Variants in POLR3G observed in about 807,000 individuals in gnomAD.
POLR3G encodes the protein RNA polymerase III subunit G.
POLR3G carries 28 observed loss-of-function variants against 30.1 expected under a neutral mutation model. The ratio of observed to expected loss-of-function variants is 0.93; its 90% CI spans 0.69 to 1.27. The LOEUF (loss-of-function observed/expected upper bound fraction) is 1.27, where lower values mean the gene tolerates loss of function less well. Among genes scored for constraint, POLR3G ranks in the 50% most tolerant of loss-of-function variants. The pLI is 0.00. For missense variants in POLR3G, 254 were observed against 264.6 expected, an observed-to-expected ratio of 0.96 and a Z score of 0.28; for synonymous variants, 79 against 82.5, an observed-to-expected ratio of 0.96 and a Z score of 0.23.
chr5:90,475,438 T>G (rs562152456), intron 1 of POLR3G, among the ~76,000 whole-genome samples: 2 of 151,770 alleles, frequency 1.3e-5, no homozygotes, highest in East Asian at 3.9e-4. Context: ...GGTTTGTCTT[T>G]TCTTATAAAA....
At position 90,485,592 on chromosome 5, in the gene POLR3G, C is replaced by T. The variant is rs373941949; in HGVS notation, c.25C>T (p.Arg9Cys). 3.2e-5 allele frequency: 51 copies of T among 1,613,272 alleles called. No individual in the cohort carries two copies. The African/African-American group carries it at 5.2e-4, about 16-fold the overall frequency. Residue 9 changes from arginine to cysteine, a missense_variant, in exon 2 of 8, where the codon CGT becomes TGT. By Grantham distance (180) the Arg-to-Cys change is radical. Transcript: ENST00000651687. ...GATGGCTGGGAATAAAGGAAGAGGA[C>T]GTGCTGCTTATACCTTTAATATTGA... MAGNKGRG[R>C]AAYTFNIEAV...
rs543010314 is a variant in POLR3G, at chr5:90,477,206, A to G, written c.-44+2186A>G. On this transcript the variant is annotated intron_variant, in intron 1 of 7. Coordinates refer to ENST00000651687, the MANE Select transcript of POLR3G (RefSeq NM_006467.3). ...TTGTCATGGAGAAAGTGTCATTTGCATGGCATCTGAAAAGAACCTGGGGCT... is the reference window on the plus strand; with the variant it reads ...TTGTCATGGAGAAAGTGTCATTTGCGTGGCATCTGAAAAGAACCTGGGGCT... 2.5e-4 allele frequency among the ~76,000 whole-genome samples: 38 copies of G among 152,322 alleles called. No individual in the cohort carries two copies. In the South Asian group the frequency reaches 7.7e-3, roughly 31 times the overall value.
chr5:90,481,957 C>T (rs914443377), intron 1 of POLR3G, among the ~76,000 whole-genome samples: 9 of 151,894 alleles, frequency 5.9e-5, no homozygotes, highest in Non-Finnish European at 1.0e-4. Context: ...TAGTCATATA[C>T]GGATAATTTT....
chr5:90,497,941 A>G (rs758274607), intron 5 of POLR3G, among the ~76,000 whole-genome samples: 1 of 152,158 alleles, frequency 6.6e-6, no homozygotes, highest in Non-Finnish European at 1.5e-5. Context: ...ACTTGTCTCT[A>G]CAAAAAGTTA....
chr5:90,490,492 G>C, intron 3 of POLR3G: 1 of 261,574 alleles, frequency 3.8e-6, no homozygotes, highest in African/African-American at 2.3e-5. Context: ...CCAAACTCCT[G>C]GGCTCAAGTG....
chr5:90,496,201 C>A (rs544884254), intron 4 of POLR3G, among the ~76,000 whole-genome samples: 1 of 151,988 alleles, frequency 6.6e-6, no homozygotes, highest in African/African-American at 2.4e-5. Flanking sequence ...TTGATCTGAC[C>A]TCATGATCCG....
At chr5:90,477,637 C>T (rs1314507615) in intron 1 of POLR3G, among the ~76,000 whole-genome samples, 2 of 152,192 alleles carry the variant, frequency 1.3e-5, no homozygotes, top group African/African-American at 4.8e-5. Context: ...TCACTGCCTC[C>T]TCTAGCTTCT....
At chr5:90,501,862 G>C (rs369433520) in intron 5 of POLR3G, 44 bp from the exon 6 acceptor site, 11 of 1,602,620 alleles carry the variant, frequency 6.9e-6, no homozygotes, top group Non-Finnish European at 8.5e-6. Context: ...ATAATACAGA[G>C]TTGCAGTTGC....
upstream of POLR3G, chr5:90,474,544 G>A: frequency 1.9e-6 from 1 of 519,236 alleles, no homozygotes; most frequent in Non-Finnish European, 3.4e-6. Flanking sequence ...CCACCAGCAC[G>A]GGGGCGCAGG....
At chr5:90,495,521 A>G (rs1015848356) in intron 3 of POLR3G, among the ~76,000 whole-genome samples, 156 bp from the exon 4 acceptor site, 3 of 152,214 alleles carry the variant, frequency 2.0e-5, no homozygotes, top group Admixed American at 6.5e-5. Flanking sequence ...GCCTACCCCT[A>G]CCCTTTTTCC....
chr5:90,478,786 C>T (rs1232113529), intron 1 of POLR3G, among the ~76,000 whole-genome samples: 1 of 151,140 alleles, frequency 6.6e-6, no homozygotes, highest in Non-Finnish European at 1.5e-5. Flanking sequence ...GAGATCAAGA[C>T]CATCCTGGCC....
intron 6 of POLR3G, among the ~76,000 whole-genome samples, chr5:90,505,106 G>T (rs1752424121): frequency 6.6e-6 from 1 of 152,142 alleles, no homozygotes; most frequent in Non-Finnish European, 1.5e-5. Flanking sequence ...TAATTACAAG[G>T]ATTTTTAAAG....
intron 5 of POLR3G, among the ~76,000 whole-genome samples, chr5:90,498,681 A>C (rs1473844485): frequency 1.3e-5 from 2 of 152,232 alleles, no homozygotes; most frequent in African/African-American, 2.4e-5. Context: ...TTATTAACTA[A>C]AACATTTTAA....
chr5:90,488,145 C>G lies in POLR3G; in HGVS notation c.247+16C>G. The stretch of plus-strand genomic sequence containing the variant: ...GAAAGACAAGGTACTGTATTGGAGT[C>G]TTTGATTATGTGGCTTAATGTATAC... On this transcript the variant is annotated intron_variant, in intron 3 of 7. Coordinates refer to ENST00000651687, the MANE Select transcript of POLR3G (RefSeq NM_006467.3). The G allele has an allele frequency of 6.3e-7, 1 of 1,577,798 alleles. No homozygotes were observed. The highest frequency in any genetic ancestry group is 8.6e-7 in the Non-Finnish European group (1 of 1,164,676).
At chr5:90,495,649 A>G in intron 3 of POLR3G, 28 bp from the exon 4 acceptor site, 2 of 1,598,196 alleles carry the variant, frequency 1.3e-6, no homozygotes, top group Non-Finnish European at 1.7e-6. Context: ...GATTTTCCTA[A>G]TGAGTTCTTT....
intron 7 of POLR3G, among the ~76,000 whole-genome samples, 159 bp from the exon 8 acceptor site, chr5:90,511,894 G>A (rs6897910): frequency 0.37 from 55,699 of 151,970 alleles, 10,537 homozygotes; most frequent in Non-Finnish European, 0.42. Context: ...TGACAAGAGT[G>A]GAAGGTGGTG....
chr5:90,474,460 G>A (rs1750670109), upstream of POLR3G: 28 of 641,560 alleles, frequency 4.4e-5, 1 homozygote, highest in South Asian at 5.3e-4. Context: ...GGAGGAGGAA[G>A]GACGCAGACC....
At chr5:90,480,514 A>G (rs1482198217) in intron 1 of POLR3G, among the ~76,000 whole-genome samples, 2 of 152,232 alleles carry the variant, frequency 1.3e-5, no homozygotes, top group Non-Finnish European at 2.9e-5. Context: ...ATAAAAATGG[A>G]AATTTAGAGT....
chr5:90,490,698 C>T (rs865862199), intron 3 of POLR3G: 29 of 362,438 alleles, frequency 8.0e-5, no homozygotes, highest in Middle Eastern at 5.8e-4. Context: ...CATGAGCCAC[C>T]GCACCCAGCT....
Sources: gnomAD v4.1 joint callset for allele counts (sites outside exome capture counted in the v4.1 genomes callset) on GRCh38, gnomAD v4.1.1 for gene constraint, MANE v1.5 for transcripts, NCBI Gene and HGNC (gene_info 2026-07-23, HGNC 2026-07-21) for gene names.